Variants in GDPD5 observed in about 807,000 individuals in gnomAD.
GDPD5 encodes the protein glycerophosphodiester phosphodiesterase 2.
A neutral mutation model predicts 75.1 loss-of-function variants in GDPD5; 48 were observed. The ratio of observed to expected loss-of-function variants is 0.64; its 90% CI spans 0.51 to 0.81. GDPD5 has a LOEUF of 0.81. GDPD5 is among the 40% of genes least tolerant of loss of function. The pLI, the probability that GDPD5 is intolerant of heterozygous loss-of-function variation, is 0.00. For synonymous variants in GDPD5, 336 were observed against 339.0 expected, an observed-to-expected ratio of 0.99 and a Z score of 0.10; for missense variants, 706 against 822.6, an observed-to-expected ratio of 0.86 and a Z score of 1.73.
intron 1 of GDPD5, among the ~76,000 whole-genome samples, chr11:75,500,627 C>A (rs1950288900): frequency 6.6e-6 from 1 of 152,142 alleles, no homozygotes; most frequent in African/African-American, 2.4e-5. Flanking sequence ...CTGGCTGGAC[C>A]AAGTTCAAGA....
chr11:75,522,536 CT>C (rs1368660000), intron 1 of GDPD5, among the ~76,000 whole-genome samples: 1 of 152,070 alleles, frequency 6.6e-6, no homozygotes, highest in East Asian at 1.9e-4. Flanking sequence ...TTGATCCTAG[CT>C]CAGCTAGCTT....
chr11:75,514,073 C>T (rs1347126930), intron 1 of GDPD5, among the ~76,000 whole-genome samples: 1 of 152,198 alleles, frequency 6.6e-6, no homozygotes, highest in Non-Finnish European at 1.5e-5. Flanking sequence ...ACATGACTGC[C>T]CTTGAGCTGG....
At chr11:75,443,095 G>C in intron 11 of GDPD5, 41 bp downstream of exon 11, 1 of 1,574,064 alleles carries the variant, frequency 6.4e-7, no homozygotes, top group Non-Finnish European at 8.6e-7. Flanking sequence ...GTCCCTGCTG[G>C]TGTTTTCCAT....
intron 15 of GDPD5, 85 bp downstream of exon 15, chr11:75,439,792 GCT>G: frequency 9.2e-7 from 1 of 1,090,946 alleles, no homozygotes; most frequent in Non-Finnish European, 1.4e-6. Flanking sequence ...GAGGCCCAGG[GCT>G]CAGGAGAGGG....
At chr11:75,479,726 G>A (rs149362738) in intron 2 of GDPD5, among the ~76,000 whole-genome samples, 1 of 149,868 alleles carries the variant, frequency 6.7e-6, no homozygotes, top group Non-Finnish European at 1.5e-5. Context: ...TCACTCCTCT[G>A]GCCCTGGCAA....
chr11:75,523,966 G>T (rs1263811111), intron 1 of GDPD5, among the ~76,000 whole-genome samples: 3 of 152,184 alleles, frequency 2.0e-5, no homozygotes, highest in East Asian at 3.9e-4. Flanking sequence ...AGGCCACAGG[G>T]CCCAGACCAA....
chr11:75,448,302 C>G (rs1949040258), intron 9 of GDPD5, among the ~76,000 whole-genome samples: 1 of 152,184 alleles, frequency 6.6e-6, no homozygotes, highest in Non-Finnish European at 1.5e-5. Flanking sequence ...GCACCATGTG[C>G]ATATTTGGGC....
In GDPD5 at chr11:75,439,872, T is replaced by C; in HGVS notation, c.1556+7A>G. On this transcript the variant is annotated splice_region_variant and intron_variant, in intron 15 of 16. Transcript: ENST00000336898. The stretch of plus-strand genomic sequence containing the variant: ...GACAGCCACGGAAGTGGTCAGATCC[T>C]ACTCACTTCTGGAGCACGAAGATGC... 1.2e-6 allele frequency: 2 copies of C among 1,612,064 alleles called. No homozygotes were observed. Among genetic ancestry groups the C allele is most frequent in the Non-Finnish European group, 1.7e-6 (2 of 1,178,354 alleles).
intron 9 of GDPD5, among the ~76,000 whole-genome samples, chr11:75,446,496 G>C (rs559676379): frequency 6.6e-6 from 1 of 152,178 alleles, no homozygotes; most frequent in African/African-American, 2.4e-5. Context: ...GGGACACTAT[G>C]GTTAAGAGAC....
intron 1 of GDPD5, among the ~76,000 whole-genome samples, chr11:75,519,522 T>C (rs1230371094): frequency 6.6e-6 from 1 of 152,228 alleles, no homozygotes; most frequent in East Asian, 1.9e-4. Context: ...GTGCTGGAGA[T>C]ACAGATCATA....
rs908932435 is a variant in GDPD5, at chr11:75,521,014, C to T, written c.-145+4196G>A. On this transcript the variant is annotated intron_variant, in intron 1 of 16. Transcript: ENST00000336898. ...GGCCAGGCCAAAAATCACAGCTGCC[C>T]GTCATACCACATCCTCTGGCCCTGG... Among the ~76,000 whole-genome samples the T allele has an allele frequency of 3.9e-5, 6 of 152,360 alleles. No individual in the cohort carries two copies. The East Asian group carries it at 9.6e-4, about 24-fold the overall frequency.
intron 1 of GDPD5, among the ~76,000 whole-genome samples, chr11:75,509,134 G>A (rs1433747175): frequency 6.6e-6 from 1 of 152,170 alleles, no homozygotes; most frequent in Non-Finnish European, 1.5e-5. Flanking sequence ...TCCTGTATGT[G>A]GGCAGGTCAT....
chr11:75,455,624 T>C (rs552889409), intron 6 of GDPD5, among the ~76,000 whole-genome samples: 12 of 152,326 alleles, frequency 7.9e-5, no homozygotes, highest in African/African-American at 2.6e-4. Context: ...TGGCCCCATC[T>C]CATGGGCTCA....
intron 1 of GDPD5, among the ~76,000 whole-genome samples, chr11:75,502,767 G>A (rs1031449775): frequency 2.6e-5 from 4 of 152,320 alleles, no homozygotes; most frequent in Non-Finnish European, 5.9e-5. Flanking sequence ...CTGCACCACC[G>A]TGTAGACACT....
intron 10 of GDPD5, 58 bp downstream of exon 10, chr11:75,444,355 G>A: frequency 7.8e-7 from 1 of 1,287,870 alleles, no homozygotes; most frequent in Non-Finnish European, 1.1e-6. Flanking sequence ...AGAGACCCAG[G>A]TGGATGCCGA....
At chr11:75,475,074 T>C (rs1949750542) in intron 3 of GDPD5, among the ~76,000 whole-genome samples, 2 of 152,258 alleles carry the variant, frequency 1.3e-5, no homozygotes, top group African/African-American at 2.4e-5. Flanking sequence ...GGGCAATGCA[T>C]GTAAACTGTT....
At chr11:75,513,571 C>G (rs111683153) in intron 1 of GDPD5, among the ~76,000 whole-genome samples, 24 of 152,330 alleles carry the variant, frequency 1.6e-4, no homozygotes, top group African/African-American at 5.1e-4. Flanking sequence ...TAAAGTTAAA[C>G]TGTCATGTGT....
At chr11:75,503,593 G>C (rs551265460) in intron 1 of GDPD5, among the ~76,000 whole-genome samples, 2 of 152,278 alleles carry the variant, frequency 1.3e-5, no homozygotes, top group East Asian at 3.9e-4. Context: ...CCCACAGCAG[G>C]CCTCAGGGAG....
intron 1 of GDPD5, among the ~76,000 whole-genome samples, chr11:75,511,870 C>T (rs1033257708): frequency 2.6e-5 from 4 of 152,174 alleles, no homozygotes; most frequent in African/African-American, 7.2e-5. Context: ...GGCCATTGGG[C>T]GGGGGGACCC....
Sources: allele counts gnomAD v4.1 joint callset (sites outside exome capture counted in the v4.1 genomes callset), GRCh38; gene constraint gnomAD v4.1.1; transcripts MANE v1.5; gene names NCBI Gene and HGNC (gene_info 2026-07-23, HGNC 2026-07-21).